Variants in ZNF121 observed in about 807,000 individuals in gnomAD.
ZNF121 encodes zinc finger protein 121 (clone ZHC32).
Under a neutral mutation model 2.4 loss-of-function variants are expected in ZNF121, and 1 was observed. The ratio of observed to expected loss-of-function variants is 0.41; its 90% confidence interval spans 0.15 to 1.94. The LOEUF is 1.94. ZNF121 is among the 30% of genes most tolerant of loss of function. ZNF121 has a pLI of 0.30. For missense variants in ZNF121, 369 were observed against 466.3 expected, an observed-to-expected ratio of 0.79 and a Z score of 1.92; for synonymous variants, 173 against 158.6, an observed-to-expected ratio of 1.09 and a Z score of -0.68.
intron 1 of ZNF121, among the ~76,000 whole-genome samples, chr19:9,577,469 A>G (rs1057369278): frequency 1.3e-5 from 2 of 152,116 alleles, no homozygotes; most frequent in African/African-American, 2.4e-5. Context: ...AAATAAAGAA[A>G]AAGAAAAAAA....
Position 9,565,068 on chromosome 19 carries a change from T to C in ZNF121, c.*872A>G, listed in dbSNP as rs534704068. On this transcript the variant is annotated 3_prime_UTR_variant, in exon 4 of 4. Coordinates refer to ENST00000320451, the MANE Select transcript of ZNF121 (RefSeq NM_001008727.5). ...CCATATGATGTAAACCTAACTTATATGCACTGGGAAACCAAAACATTTGTA... is the reference window on the plus strand; with the variant it reads ...CCATATGATGTAAACCTAACTTATACGCACTGGGAAACCAAAACATTTGTA... 2.0e-5 allele frequency: 3 copies of C among 152,326 alleles called. No homozygotes were observed. Among genetic ancestry groups the C allele is most frequent in the South Asian group, 2.1e-4 (1 of 4,828 alleles). 9.4% of individuals were successfully genotyped at this position (152,326 alleles called of 1,614,324 possible). A position where few individuals can be genotyped will look rare whatever the true frequency, so the allele number is the denominator to read the frequency against.
Position 9,567,083 on chromosome 19 carries a change from G to T in ZNF121, c.30C>A (p.Leu10=). Residue 10 remains leucine, a synonymous_variant, in exon 4 of 4, where the codon CTC becomes CTA. Transcript: ENST00000320451. MAEIHNGGE[L]CDFMENGEIF... is the part of the protein sequence containing the mutation. ...TTTCTCCATTTTCCATAAAGTCACA[G>T]AGTTCCCCTCCATTGTGGATTTCTG... is the stretch of plus-strand genomic sequence containing the variant. The T allele has an allele frequency of 1.2e-6, 2 of 1,613,130 alleles. No homozygotes were observed. Among genetic ancestry groups the T allele is most frequent in the South Asian group, 1.1e-5 (1 of 90,954 alleles).
At position 9,562,037 on chromosome 19, in the gene ZNF121, G is replaced by A. The variant is rs1447249256; in HGVS notation, c.*3903C>T. On this transcript the variant is annotated 3_prime_UTR_variant, in exon 4 of 4. Transcript: ENST00000320451. The stretch of plus-strand genomic sequence containing the variant: ...AGTAGAAGTCCTGTGGCAATGTCAT[G>A]TCGAATAAATCTATAACACCATTTT... 1.3e-5 allele frequency: 2 copies of A among 152,028 alleles called. No individual in the cohort carries two copies. Among genetic ancestry groups the A allele is most frequent in the Non-Finnish European group, 2.9e-5 (2 of 68,040 alleles). The allele number at this position is 152,028 out of a possible 1,614,324, so 9.4% of individuals were successfully genotyped here.
Position 9,568,171 on chromosome 19 carries a change from C to T in ZNF121, c.-74G>A. ...GTGCTGACACTTTGGTTTTAACTTG[C>T]CATTCTGAAGTAAAACAGAAAAAAA... On this transcript the variant is annotated 5_prime_UTR_variant, in exon 3 of 4. Coordinates refer to ENST00000320451, the MANE Select transcript of ZNF121 (RefSeq NM_001008727.5). 2 of 1,444,858 alleles carry T rather than the reference C, an allele frequency of 1.4e-6. No individual in the cohort carries two copies. Among genetic ancestry groups the T allele is most frequent in the Non-Finnish European group, 1.9e-6 (2 of 1,073,638 alleles). 89.5% of individuals were successfully genotyped at this position (1,444,858 alleles called of 1,614,324 possible). A position where few individuals can be genotyped will look rare whatever the true frequency, so the allele number is the denominator to read the frequency against.
At chr19:9,583,489 CTTTTTTTTTT>C (rs1185311747) in intron 1 of ZNF121, among the ~76,000 whole-genome samples, 2 of 56,390 alleles carry the variant, frequency 3.5e-5, no homozygotes, top group East Asian at 5.4e-4. Flanking sequence ...CCAAGCCTGG[CTTTTTTTTTT>C]TTTTTTTTTT....
At chr19:9,571,088 C>T (rs569800902) in intron 1 of ZNF121, among the ~76,000 whole-genome samples, 2 of 152,196 alleles carry the variant, frequency 1.3e-5, no homozygotes, top group South Asian at 4.1e-4. Flanking sequence ...AAGCAGTTAA[C>T]AAAGCCTACT....
intron 1 of ZNF121, among the ~76,000 whole-genome samples, chr19:9,583,857 T>C (rs2074266715): frequency 6.6e-6 from 1 of 152,034 alleles, no homozygotes; most frequent in African/African-American, 2.4e-5. Context: ...AAACATTAAG[T>C]CCAAGAAAAT....
At chr19:9,581,297 A>G (rs2074246668) in intron 1 of ZNF121, among the ~76,000 whole-genome samples, 1 of 152,204 alleles carries the variant, frequency 6.6e-6, no homozygotes, top group African/African-American at 2.4e-5. Context: ...CTCCTGATGC[A>G]AGTCCTGCCC....
rs758627610 is a variant in ZNF121 at position 9,566,091 on chromosome 19, A to C, written c.1022T>G (p.Ile341Arg). The change falls in exon 4 of 4, where the codon ATA becomes AGA. Residue 341 changes from isoleucine to arginine, a missense_variant. Coordinates refer to ENST00000320451, the MANE Select transcript of ZNF121 (RefSeq NM_001008727.5). Reference sequence around the variant, plus strand: ...GAAGGTTTTCCCACATTCCTTACATATATACGGTTTCTCTCCAGTGTGAGT... The same window carrying C: ...GAAGGTTTTCCCACATTCCTTACATCTATACGGTTTCTCTCCAGTGTGAGT... ...IRTHTGEKPY[I>R]CKECGKTFRA... The C allele has an allele frequency of 1.9e-6, 3 of 1,613,638 alleles. No individual in the cohort carries two copies. In the South Asian group the frequency reaches 3.3e-5, roughly 18 times the overall value.
chr19:9,566,064 CG>C lies in ZNF121; in HGVS notation c.1048del (p.Arg350ValfsTer38). ...YICKECGKTF[R>X]ASSHLQKHVR... is the part of the protein sequence containing the mutation. Reference sequence around the variant, plus strand: ...ATGTTTCTGTAGATGTGAAGAAGCACGGAAGGTTTTCCCACATTCCTTACAT... The same window carrying C: ...ATGTTTCTGTAGATGTGAAGAAGCACGAAGGTTTTCCCACATTCCTTACAT... On this transcript the variant is annotated frameshift_variant, in exon 4 of 4. Transcript: ENST00000320451. LOFTEE classifies it low-confidence loss of function (END_TRUNC). The C allele has an allele frequency of 6.2e-7, 1 of 1,613,170 alleles. No individual in the cohort carries two copies.
intron 1 of ZNF121, among the ~76,000 whole-genome samples, chr19:9,582,936 C>T (rs945776462): frequency 1.2e-4 from 5 of 43,458 alleles, no homozygotes; most frequent in Non-Finnish European, 1.9e-4. Flanking sequence ...TCCATCCTGG[C>T]CAGGAGCGGA....
chr19:9,579,821 A>G (rs2074236512), intron 1 of ZNF121, among the ~76,000 whole-genome samples: 1 of 152,238 alleles, frequency 6.6e-6, no homozygotes, highest in East Asian at 1.9e-4. Flanking sequence ...TGCAATAAAG[A>G]AAGGATAAAT....
intron 1 of ZNF121, among the ~76,000 whole-genome samples, chr19:9,581,243 T>C (rs185051335): frequency 2.1e-3 from 322 of 152,318 alleles, no homozygotes; most frequent in African/African-American, 7.5e-3. Context: ...CCTTGACCAG[T>C]TGCCATGAGA....
chr19:9,566,778 C>A lies in ZNF121; in HGVS notation c.335G>T (p.Gly112Val), dbSNP rs769767743. The change falls in exon 4 of 4, where the codon GGA becomes GTA. Residue 112 changes from glycine to valine, a missense_variant. Gly to Val is a moderately radical substitution (Grantham distance 109). Coordinates refer to ENST00000320451, the MANE Select transcript of ZNF121 (RefSeq NM_001008727.5). ...HLQANRITHN[G>V]ETLYEQKQCG... ...TTGCTTCTGTTCATAGAGTGTTTCTCCATTGTGAGTTATCCTATTTGCCTG... is the reference window on the plus strand; with the variant it reads ...TTGCTTCTGTTCATAGAGTGTTTCTACATTGTGAGTTATCCTATTTGCCTG... 152 of 1,614,040 alleles carry A rather than the reference C, an allele frequency of 9.4e-5. No homozygotes were observed. Among genetic ancestry groups the A allele is most frequent in the Non-Finnish European group, 1.2e-4 (138 of 1,180,038 alleles).
intron 1 of ZNF121, among the ~76,000 whole-genome samples, chr19:9,575,195 G>A (rs944657747): frequency 7.2e-5 from 11 of 152,222 alleles, no homozygotes; most frequent in African/African-American, 2.4e-4. Context: ...TGAGGTGGGC[G>A]GATCACCTGA....
rs1185311747 is a variant in ZNF121, at chr19:9,583,489, C to CTTTTTTTT, written c.-160+964_-160+971dup. On this transcript the variant is annotated intron_variant, in intron 1 of 3. Coordinates refer to ENST00000320451, the MANE Select transcript of ZNF121 (RefSeq NM_001008727.5). Reference sequence around the variant, plus strand: ...TACAGGGGACTGCCACCAAGCCTGGCTTTTTTTTTTTTTTTTTTTTTTTTG... The same window carrying CTTTTTTTT: ...TACAGGGGACTGCCACCAAGCCTGGCTTTTTTTTTTTTTTTTTTTTTTTTTTTTTTTTG... 3.1e-3 allele frequency among the ~76,000 whole-genome samples: 177 copies of CTTTTTTTT among 56,386 alleles called. 7 individuals carry two copies. Among genetic ancestry groups the CTTTTTTTT allele is most frequent in the African/African-American group, 4.6e-3 (44 of 9,514 alleles). The allele number at this position is 56,386 out of a possible 152,430, so 37.0% of individuals were successfully genotyped here.
At chr19:9,570,348 A>G (rs2074165307) in intron 1 of ZNF121, among the ~76,000 whole-genome samples, 1 of 152,154 alleles carries the variant, frequency 6.6e-6, no homozygotes, top group Non-Finnish European at 1.5e-5. Flanking sequence ...AATCCTAGAG[A>G]GACAGGAGTG....
intron 1 of ZNF121, among the ~76,000 whole-genome samples, chr19:9,579,450 C>T (rs1333812749): frequency 6.6e-6 from 1 of 152,176 alleles, no homozygotes; most frequent in Non-Finnish European, 1.5e-5. Context: ...TTTAGGAGCC[C>T]AAGGCAGGTG....
chr19:9,572,023 C>T (rs2074177813), intron 1 of ZNF121, among the ~76,000 whole-genome samples: 1 of 152,146 alleles, frequency 6.6e-6, no homozygotes, highest in Admixed American at 6.6e-5. Context: ...CGTCAGCCTC[C>T]CAGTGTTAGG....
Sources: gnomAD v4.1 joint callset for allele counts (sites outside exome capture counted in the v4.1 genomes callset) on GRCh38, gnomAD v4.1.1 for gene constraint, MANE v1.5 for transcripts, NCBI Gene and HGNC (gene_info 2026-07-23, HGNC 2026-07-21) for gene names.